Variants in PDCL2 observed in about 807,000 individuals in gnomAD.
PDCL2 encodes phosducin like 2.
PDCL2 carries 23 observed loss-of-function variants against 30.3 expected under a neutral mutation model. That is an observed-to-expected ratio of 0.76 (90% CI 0.55 to 1.08). The LOEUF is 1.08. Ranked by LOEUF, PDCL2 falls within the 50% of genes least tolerant of loss-of-function variation. The pLI, the probability that PDCL2 is intolerant of heterozygous loss-of-function variation, is 0.00. For missense variants in PDCL2, 243 were observed against 282.3 expected, an observed-to-expected ratio of 0.86 and a Z score of 1.00; for synonymous variants, 68 against 86.2, an observed-to-expected ratio of 0.79 and a Z score of 1.17.
intron 1 of PDCL2, among the ~76,000 whole-genome samples, chr4:55,585,728 A>G (rs979893533): frequency 1.3e-5 from 2 of 152,090 alleles, no homozygotes; most frequent in South Asian, 2.1e-4. Flanking sequence ...CTTATTTGTT[A>G]TTGGTCTGTT....
intron 5 of PDCL2, among the ~76,000 whole-genome samples, chr4:55,560,201 C>A (rs564530716): frequency 6.7e-4 from 91 of 136,700 alleles, no homozygotes; most frequent in African/African-American, 2.3e-3. Flanking sequence ...GGGGGGGGGA[C>A]GAGATACACA....
At chr4:55,590,236 G>A (rs1390852731) in intron 1 of PDCL2, among the ~76,000 whole-genome samples, 1 of 129,622 alleles carries the variant, frequency 7.7e-6, no homozygotes, top group Non-Finnish European at 1.6e-5. Flanking sequence ...AAGGTTTGTT[G>A]TGCGGATTTC....
intron 1 of PDCL2, among the ~76,000 whole-genome samples, chr4:55,583,688 T>C (rs973638535): frequency 1.3e-5 from 2 of 152,172 alleles, no homozygotes; most frequent in Admixed American, 1.3e-4. Flanking sequence ...TTTTCCCCAT[T>C]GTGTGTTCTT....
chr4:55,579,912 T>C (rs1732668548), intron 3 of PDCL2, among the ~76,000 whole-genome samples: 2 of 151,572 alleles, frequency 1.3e-5, no homozygotes, highest in African/African-American at 4.9e-5. Flanking sequence ...AATGGCGCAA[T>C]CTTGGCTCAC....
chr4:55,569,819 T>A lies in PDCL2; in HGVS notation c.261A>T (p.Gln87His), dbSNP rs1732373797. The change falls in exon 4 of 6, where the codon CAA (glutamine) becomes CAT (histidine). Residue 87 changes from glutamine (Q) to histidine (H), a missense_variant. Gln to His is a conservative substitution (Grantham distance 24, BLOSUM62 0). Transcript: ENST00000295645. The part of the protein sequence containing the change: ...LQEWKALKKK[Q>H]KFGELREISG... ...AAATTTCTCTTAATTCTCCAAATTT[T>A]TGTTTTTTCTTAAGAGCTTTCCATT... The A allele has an allele frequency of 1.3e-6, 2 of 1,560,472 alleles. No homozygotes were observed. Among genetic ancestry groups the A allele is most frequent in the East Asian group, 4.6e-5 (2 of 43,158 alleles).
intron 4 of PDCL2, among the ~76,000 whole-genome samples, chr4:55,566,585 G>A (rs1487030407): frequency 7.6e-6 from 1 of 132,282 alleles, no homozygotes; most frequent in Non-Finnish European, 1.7e-5. Context: ...ACCAAGCCTG[G>A]CTAATTTTTT....
At chr4:55,573,917 CAG>C (rs1732495422) in intron 3 of PDCL2, among the ~76,000 whole-genome samples, 3 of 146,480 alleles carry the variant, frequency 2.0e-5, no homozygotes, top group African/African-American at 5.1e-5. Context: ...TTTTTTGAGA[CAG>C]AGTCTCGCTC....
chr4:55,561,278 C>G (rs976963031), intron 5 of PDCL2, among the ~76,000 whole-genome samples: 7 of 152,050 alleles, frequency 4.6e-5, no homozygotes, highest in African/African-American at 1.4e-4. Context: ...TTGAAAACAA[C>G]CAGCCAGGGG....
At position 55,576,129 on chromosome 4, in the gene PDCL2, T is replaced by C. The variant is rs141249273; in HGVS notation, c.218+4692A>G. 4.6e-5 allele frequency among the ~76,000 whole-genome samples: 7 copies of C among 152,340 alleles called. No homozygotes were observed. The East Asian group carries it at 9.6e-4, about 21-fold the overall frequency. On this transcript the variant is annotated intron_variant, in intron 3 of 5. Coordinates refer to ENST00000295645, the MANE Select transcript of PDCL2 (RefSeq NM_152401.3). ...TTCTTTTTGAGACAGTCTTGCTTTG[T>C]TGCCTAGGCTGGAGTGCCGTGGCGC...
chr4:55,570,796 G>A (rs1399212372), intron 3 of PDCL2, among the ~76,000 whole-genome samples: 2 of 152,150 alleles, frequency 1.3e-5, no homozygotes, highest in African/African-American at 4.8e-5. Context: ...AATGGTTTCT[G>A]ACTGTCTGCA....
chr4:55,569,420 C>T (rs1255825436), intron 4 of PDCL2, among the ~76,000 whole-genome samples: 2 of 152,070 alleles, frequency 1.3e-5, no homozygotes. Context: ...TTTTCTCATT[C>T]CTTCCACTTC....
intron 1 of PDCL2, 119 bp downstream of exon 1, chr4:55,591,985 A>G (rs757253521): frequency 4.0e-4 from 555 of 1,399,300 alleles, no homozygotes; most frequent in Non-Finnish European, 5.1e-4. Context: ...GCACTTTCCA[A>G]GAACAAATGT....
chr4:55,569,752 C>A lies in PDCL2; in HGVS notation c.328G>T (p.Asp110Tyr), dbSNP rs1454755226. Reference sequence around the variant, plus strand: ...TATAGATGAATTATAACCCACACATCTTCTTCTGCATTTGTGACTTCATTC... The same window carrying A: ...TATAGATGAATTATAACCCACACATATTCTTCTGCATTTGTGACTTCATTC... ...YVNEVTNAEE[D>Y]VWVIIHLYRS... Residue 110 changes from aspartate (D) to tyrosine (Y), a missense_variant, in exon 4 of 6, where the codon GAT (aspartate) becomes TAT (tyrosine). Coordinates refer to ENST00000295645, the MANE Select transcript of PDCL2 (RefSeq NM_152401.3). The A allele has an allele frequency of 1.3e-6, 2 of 1,552,614 alleles. No individual in the cohort carries two copies. The highest frequency in any genetic ancestry group is 1.4e-5 in the African/African-American group (1 of 73,788).
At chr4:55,586,008 TA>T (rs1211613382) in intron 1 of PDCL2, among the ~76,000 whole-genome samples, 1 of 152,172 alleles carries the variant, frequency 6.6e-6, no homozygotes, top group Non-Finnish European at 1.5e-5. Flanking sequence ...ATTGTTTTTC[TA>T]GTCTTTATTT....
Position 55,556,632 on chromosome 4 carries a change from C to A in PDCL2, c.651G>T (p.Met217Ile). 6.4e-7 allele frequency: 1 copy of A among 1,572,254 alleles called. No individual in the cohort carries two copies. Among genetic ancestry groups the A allele is most frequent in the Non-Finnish European group, 8.7e-7 (1 of 1,155,698 alleles). The part of the protein sequence containing the change: ...EENPRKDMVD[M>I]MVSSIRNTSI... ...AAGTGTTTCTAATTGAAGATACCATCATATCTACCATGTCTTTTCTGGGGT... is the reference window on the plus strand; with the variant it reads ...AAGTGTTTCTAATTGAAGATACCATAATATCTACCATGTCTTTTCTGGGGT... Residue 217 changes from methionine to isoleucine, a missense_variant, in exon 6 of 6, where the codon ATG becomes ATT. Transcript: ENST00000295645.
chr4:55,581,034 G>T, intron 2 of PDCL2, 123 bp from the exon 3 acceptor site: 2 of 621,550 alleles, frequency 3.2e-6, no homozygotes, highest in Non-Finnish European at 5.1e-6. Flanking sequence ...AGCCGGGTGC[G>T]ATGGAATCCC....
At chr4:55,576,945 T>C (rs1732585683) in intron 3 of PDCL2, among the ~76,000 whole-genome samples, 1 of 151,792 alleles carries the variant, frequency 6.6e-6, no homozygotes, top group Non-Finnish European at 1.5e-5. Context: ...TCGCCCAGGC[T>C]GGAGTGCAGT....
chr4:55,580,200 G>A (rs1732676246), intron 3 of PDCL2, among the ~76,000 whole-genome samples: 2 of 152,114 alleles, frequency 1.3e-5, no homozygotes, highest in African/African-American at 4.8e-5. Flanking sequence ...AATACTACTT[G>A]ATCAAGATTT....
In PDCL2 at chr4:55,562,516, AATACAGCT is replaced by A; in HGVS notation, c.451_458del (p.Cys152ThrfsTer4). On this transcript the variant is annotated frameshift_variant, in exon 5 of 6. Coordinates refer to ENST00000295645, the MANE Select transcript of PDCL2 (RefSeq NM_152401.3). LOFTEE classifies it high-confidence loss of function. ...GTAAACAATTGTCATGGTAGTGTTG[AATACAGCT>A]ATTCACGATGGCTTTAACAAATTTA... 1 of 1,599,736 alleles carries A rather than the reference AATACAGCT, an allele frequency of 6.3e-7. No individual in the cohort carries two copies. Among genetic ancestry groups the A allele is most frequent in the Non-Finnish European group, 8.5e-7 (1 of 1,173,162 alleles).
Sources: allele counts gnomAD v4.1 joint callset (sites outside exome capture counted in the v4.1 genomes callset), GRCh38; gene constraint gnomAD v4.1.1; transcripts MANE v1.5; gene names NCBI Gene and HGNC (gene_info 2026-07-23, HGNC 2026-07-21).